The following HECW2 variants were observed in gnomAD, a reference collection of about 807,000 sequenced individuals.
HECW2 encodes the protein HECT, C2 and WW domain containing E3 ubiquitin protein ligase 2.
In HECW2, 61 loss-of-function variants were observed where a neutral mutation model predicts 175.2. That is an observed-to-expected ratio of 0.35 (90% confidence interval 0.28 to 0.43). The LOEUF is 0.43. Among genes scored for constraint, HECW2 ranks in the 20% least tolerant of loss-of-function variants. The probability of loss-of-function intolerance (pLI) is 1.00; values close to 1 mark genes in which losing one functional copy is unlikely to be tolerated. For synonymous variants in HECW2, 671 were observed against 731.0 expected (o/e 0.92, Z 1.32); for missense variants, 1,524 against 2,000.5 (o/e 0.76, Z 4.54).
intron 2 of HECW2, among the ~76,000 whole-genome samples, chr2:196,402,497 C>A (rs1694848856): frequency 1.3e-5 from 2 of 152,106 alleles, no homozygotes. Context: ...GCTACTTTTC[C>A]TTCACTGATT....
chr2:196,455,352 A>G (rs1270196409), intron 1 of HECW2, among the ~76,000 whole-genome samples: 1 of 152,172 alleles, frequency 6.6e-6, no homozygotes, highest in South Asian at 2.1e-4. Flanking sequence ...AATTTTTATT[A>G]ACTTTTTCTA....
At chr2:196,519,524 A>G (rs981098704) in intron 1 of HECW2, among the ~76,000 whole-genome samples, 1 of 152,230 alleles carries the variant, frequency 6.6e-6, no homozygotes, top group Non-Finnish European at 1.5e-5. Flanking sequence ...CTGCTTAAAT[A>G]AAAGTAATGC....
intron 5 of HECW2, among the ~76,000 whole-genome samples, chr2:196,327,057 AT>A (rs1692180966): frequency 6.6e-6 from 1 of 152,206 alleles, no homozygotes; most frequent in Admixed American, 6.5e-5. Flanking sequence ...GAAGAATGAT[AT>A]TCTTTATATA....
At chr2:196,592,942 G>C (rs1386871933) in intron 1 of HECW2, 4 of 151,474 alleles carry the variant, frequency 2.6e-5, no homozygotes, top group African/African-American at 2.4e-5. Context: ...TGCAGCTCAC[G>C]GCTGCTGCGG....
rs139195585 is a variant in HECW2 at position 196,295,397 on chromosome 2, C to T, written c.2815-2647G>A. Among the ~76,000 whole-genome samples, 461 of 152,216 alleles carry T rather than the reference C, an allele frequency of 3.0e-3. 5 individuals carry two copies. Among genetic ancestry groups the T allele is most frequent in the African/African-American group, 0.011 (444 of 41,460 alleles). ...AGGCAACTGTTTTCTGCATTTGGCT[C>T]AGTGTTGCTGATATATTTTCACATA... On this transcript the variant is annotated intron_variant, in intron 13 of 28. Coordinates refer to ENST00000644978, the MANE Select transcript of HECW2 (RefSeq NM_001348768.2).
Position 196,222,352 on chromosome 2 carries a change from AACAG to A in HECW2, c.4017-16_4017-13del. 1.2e-6 allele frequency: 2 copies of A among 1,611,078 alleles called. No homozygotes were observed. Among genetic ancestry groups the A allele is most frequent in the Non-Finnish European group, 1.7e-6 (2 of 1,178,558 alleles). ...TCAGGTCACATAGACTAAGATGACA[AACAG>A]ACAGAAACAAATATGTAGGCATGGC... On this transcript the variant is annotated splice_polypyrimidine_tract_variant and intron_variant, in intron 23 of 28. Transcript: ENST00000644978.
At chr2:196,322,094 G>A (rs112201236) in intron 7 of HECW2, among the ~76,000 whole-genome samples, 4 of 152,200 alleles carry the variant, frequency 2.6e-5, no homozygotes, top group African/African-American at 7.2e-5. Context: ...GATTGTTTCC[G>A]TTTTTCAAGA....
chr2:196,485,729 G>T (rs1253072930), intron 1 of HECW2, among the ~76,000 whole-genome samples: 1 of 152,148 alleles, frequency 6.6e-6, no homozygotes, highest in Admixed American at 6.5e-5. Flanking sequence ...ACTGGCCAGA[G>T]ACATGATCAT....
At chr2:196,324,079 G>A (rs1426352487) in intron 6 of HECW2, among the ~76,000 whole-genome samples, 3 of 151,546 alleles carry the variant, frequency 2.0e-5, no homozygotes, top group Admixed American at 1.3e-4. Context: ...TTCTGCAATC[G>A]GTTTTAGATC....
intron 1 of HECW2, among the ~76,000 whole-genome samples, chr2:196,586,127 C>A (rs1360206408): frequency 6.6e-6 from 1 of 152,192 alleles, no homozygotes; most frequent in Non-Finnish European, 1.5e-5. Flanking sequence ...CTGAGAGATA[C>A]TATGCTTATG....
rs563225748 is a variant in HECW2, at chr2:196,378,979, A to G, written c.293-35215T>C. The stretch of plus-strand genomic sequence containing the variant: ...ACCACCAAAGAAGCATCCTTGGGGA[A>G]AAACATTAACTTGATGATATTCAAG... On this transcript the variant is annotated intron_variant, in intron 2 of 28. Coordinates refer to ENST00000644978, the MANE Select transcript of HECW2 (RefSeq NM_001348768.2). 1.5e-4 allele frequency among the ~76,000 whole-genome samples: 23 copies of G among 152,294 alleles called. 1 individual carries two copies. The South Asian group carries it at 1.9e-3, about 12-fold the overall frequency.
intron 1 of HECW2, among the ~76,000 whole-genome samples, chr2:196,556,074 C>T (rs1689781599): frequency 6.6e-6 from 1 of 152,190 alleles, no homozygotes; most frequent in African/African-American, 2.4e-5. Flanking sequence ...CTATTTACCT[C>T]TCCTTCATAA....
At chr2:196,445,618 G>T (rs935598864) in intron 1 of HECW2, among the ~76,000 whole-genome samples, 1 of 152,284 alleles carries the variant, frequency 6.6e-6, no homozygotes, top group Non-Finnish European at 1.5e-5. Flanking sequence ...GAAAGAAATA[G>T]AAAGCAACTG....
intron 1 of HECW2, among the ~76,000 whole-genome samples, chr2:196,544,241 C>A (rs1454132044): frequency 6.6e-6 from 1 of 152,206 alleles, no homozygotes; most frequent in Non-Finnish European, 1.5e-5. Flanking sequence ...TGTGGGATGG[C>A]AGGCCTCCAG....
chr2:196,286,890 G>A (rs912807465), intron 14 of HECW2, among the ~76,000 whole-genome samples: 8 of 152,154 alleles, frequency 5.3e-5, no homozygotes, highest in East Asian at 1.9e-4. Flanking sequence ...ATAATAAGTT[G>A]TGGCCTCCAA....
chr2:196,585,873 T>G (rs1417472250), intron 1 of HECW2, among the ~76,000 whole-genome samples: 1 of 152,182 alleles, frequency 6.6e-6, no homozygotes, highest in African/African-American at 2.4e-5. Flanking sequence ...AAGTGAAGCC[T>G]AAGGCAAAAA....
chr2:196,506,803 C>T (rs947182965), intron 1 of HECW2, among the ~76,000 whole-genome samples: 1 of 152,034 alleles, frequency 6.6e-6, no homozygotes, highest in Non-Finnish European at 1.5e-5. Flanking sequence ...CCACATACTA[C>T]CTGAGAGTAG....
At chr2:196,510,292 AACT>A (rs1687900453) in intron 1 of HECW2, among the ~76,000 whole-genome samples, 1 of 152,236 alleles carries the variant, frequency 6.6e-6, no homozygotes, top group Non-Finnish European at 1.5e-5. Context: ...CCAGTCCTAG[AACT>A]ACTACATCAG....
At chr2:196,426,443 T>C (rs1312306391) in intron 2 of HECW2, among the ~76,000 whole-genome samples, 1 of 152,138 alleles carries the variant, frequency 6.6e-6, no homozygotes, top group African/African-American at 2.4e-5. Context: ...GCCATTCTAA[T>C]AGGTGTGGGG....
Sources: allele counts gnomAD v4.1 joint callset (sites outside exome capture counted in the v4.1 genomes callset), GRCh38; gene constraint gnomAD v4.1.1; transcripts MANE v1.5; gene names NCBI Gene and HGNC (gene_info 2026-07-23, HGNC 2026-07-21).